Variants in WWOX observed in about 807,000 individuals in gnomAD.
The protein encoded by WWOX is WW domain-containing oxidoreductase.
A neutral mutation model predicts 46.2 loss-of-function variants in WWOX; 69 were observed. The observed-to-expected ratio is 1.49, with a 90% CI of 1.23 to 1.82. The LOEUF is 1.82. Among genes scored for constraint, WWOX ranks in the 40% most tolerant of loss-of-function variants. WWOX has a pLI of 0.00. For missense variants in WWOX, 919 were observed against 542.6 expected (o/e 1.69, Z -6.89); for synonymous variants, 359 against 202.6 (o/e 1.77, Z -6.56).
chr16:78,195,758 G>T (rs1286857251), intron 5 of WWOX, among the ~76,000 whole-genome samples: 1 of 143,996 alleles, frequency 6.9e-6, no homozygotes, highest in African/African-American at 2.6e-5. Flanking sequence ...GGAGACAGAG[G>T]TTGGCGTGAG....
intron 4 of WWOX, among the ~76,000 whole-genome samples, chr16:78,142,480 C>G (rs1186262232): frequency 6.6e-6 from 1 of 152,200 alleles, no homozygotes; most frequent in Non-Finnish European, 1.5e-5. Flanking sequence ...TGTTCAAAAA[C>G]ACTTGTCATT....
At chr16:78,632,599 C>G (rs1597373963) in intron 8 of WWOX, among the ~76,000 whole-genome samples, 1 of 120,548 alleles carries the variant, frequency 8.3e-6, no homozygotes, top group East Asian at 2.4e-4. Context: ...CGTTCTGTCT[C>G]CCAGGCTGGA....
chr16:78,794,329 C>G (rs543207484), intron 8 of WWOX, among the ~76,000 whole-genome samples: 333 of 152,074 alleles, frequency 2.2e-3, no homozygotes, highest in African/African-American at 7.6e-3. Context: ...TTCAAAGCTC[C>G]CCAGGAGTCT....
At chr16:78,552,803 C>T (rs2044205358) in intron 8 of WWOX, 1 of 152,210 alleles carries the variant, frequency 6.6e-6, no homozygotes, top group South Asian at 2.1e-4. Flanking sequence ...TCTGTTCTCT[C>T]TGTTTTAACA....
chr16:78,541,676 C>G (rs925109105), intron 8 of WWOX, among the ~76,000 whole-genome samples: 11 of 151,790 alleles, frequency 7.2e-5, no homozygotes, highest in African/African-American at 2.7e-4. Context: ...TGAGGTGTGA[C>G]ATTGAAAAAG....
chr16:79,079,505 T>G (rs1266848220), intron 8 of WWOX, among the ~76,000 whole-genome samples: 1 of 152,220 alleles, frequency 6.6e-6, no homozygotes, highest in East Asian at 1.9e-4. Context: ...CCCAACCCCC[T>G]GTTACATTCT....
chr16:78,369,110 G>C (rs766589085), intron 5 of WWOX, among the ~76,000 whole-genome samples: 1 of 149,156 alleles, frequency 6.7e-6, no homozygotes, highest in Non-Finnish European at 1.5e-5. Flanking sequence ...CATTGAACTT[G>C]TGATGTACAC....
At chr16:78,928,424 G>C (rs570686394) in intron 8 of WWOX, among the ~76,000 whole-genome samples, 2 of 151,774 alleles carry the variant, frequency 1.3e-5, no homozygotes, top group African/African-American at 2.4e-5. Flanking sequence ...GGATGGTCTC[G>C]ATCTCCTGAC....
intron 8 of WWOX, among the ~76,000 whole-genome samples, chr16:78,677,976 G>C (rs1342581263): frequency 2.6e-5 from 4 of 152,196 alleles, no homozygotes; most frequent in Admixed American, 2.0e-4. Flanking sequence ...CTTAGCCACT[G>C]TTTAAAATAG....
intron 5 of WWOX, among the ~76,000 whole-genome samples, chr16:78,184,207 C>G (rs1057438661): frequency 6.6e-6 from 1 of 152,028 alleles, no homozygotes; most frequent in Admixed American, 6.6e-5. Context: ...CTGTCAGGGT[C>G]CCAAATGTTC....
chr16:78,209,172 A>G (rs2036481939), intron 5 of WWOX, among the ~76,000 whole-genome samples: 1 of 152,252 alleles, frequency 6.6e-6, no homozygotes. Context: ...ATCAAATACA[A>G]TGGGTAAAAC....
At chr16:78,730,189 C>G (rs902862846) in intron 8 of WWOX, among the ~76,000 whole-genome samples, 30 of 152,086 alleles carry the variant, frequency 2.0e-4, no homozygotes, top group African/African-American at 6.5e-4. Flanking sequence ...TTTTAAAGCT[C>G]TGGTTACATA....
intron 8 of WWOX, among the ~76,000 whole-genome samples, chr16:78,963,109 C>G (rs769426921): frequency 9.2e-5 from 14 of 152,186 alleles, no homozygotes; most frequent in Non-Finnish European, 1.9e-4. Context: ...ACATTTCCCT[C>G]TATTTGCATC....
chr16:78,575,158 T>G (rs2044846055), intron 8 of WWOX, among the ~76,000 whole-genome samples: 1 of 132,058 alleles, frequency 7.6e-6, no homozygotes, highest in African/African-American at 2.7e-5. Flanking sequence ...AAACTTTGCA[T>G]ATTTTAATTG....
At chr16:78,996,472 A>C in intron 8 of WWOX, 5 of 276,630 alleles carry the variant, frequency 1.8e-5, no homozygotes, top group Non-Finnish European at 2.7e-5. Flanking sequence ...GGCCGGACCC[A>C]TGGGTATGCA....
intron 5 of WWOX, among the ~76,000 whole-genome samples, chr16:78,385,144 C>CACACACACACACAG (rs2082035011): frequency 6.6e-6 from 1 of 151,344 alleles, no homozygotes; most frequent in Non-Finnish European, 1.5e-5. Context: ...AACACACACA[C>CACACACACACACAG]ACACACACAC....
chr16:78,505,965 C>A (rs947981053), intron 8 of WWOX, among the ~76,000 whole-genome samples: 1 of 152,186 alleles, frequency 6.6e-6, no homozygotes, highest in Non-Finnish European at 1.5e-5. Context: ...CTTGGCTGAA[C>A]GCCAGAGGAG....
At chr16:78,163,211 G>A (rs928056447) in intron 4 of WWOX, among the ~76,000 whole-genome samples, 4 of 152,144 alleles carry the variant, frequency 2.6e-5, no homozygotes, top group African/African-American at 9.7e-5. Flanking sequence ...TGAGACTCTA[G>A]ATAATGGTAT....
At chr16:79,021,239 T>C (rs2047526583) in intron 8 of WWOX, among the ~76,000 whole-genome samples, 1 of 152,190 alleles carries the variant, frequency 6.6e-6, no homozygotes, top group African/African-American at 2.4e-5. Flanking sequence ...TGCCTTCATT[T>C]GTTTGACATT....
Sources: allele counts gnomAD v4.1 joint callset (sites outside exome capture counted in the v4.1 genomes callset), GRCh38; gene constraint gnomAD v4.1.1; transcripts MANE v1.5; gene names NCBI Gene and HGNC (gene_info 2026-07-23, HGNC 2026-07-21).